The following CEP128 variants were observed in gnomAD, a reference collection of about 807,000 sequenced individuals.
CEP128 encodes centrosomal protein 128, also known as centrosomal protein 128kDa.
CEP128 carries 132 observed loss-of-function variants against 156.7 expected under a neutral mutation model. The ratio of observed to expected loss-of-function variants is 0.84; its 90% CI spans 0.73 to 0.97. The LOEUF is 0.97. Among genes scored for constraint, CEP128 ranks in the 50% least tolerant of loss-of-function variants. The pLI, the probability that CEP128 is intolerant of heterozygous loss-of-function variation, is 0.00. For missense variants in CEP128, 1,252 were observed against 1,281.9 expected, an observed-to-expected ratio of 0.98 and a Z score of 0.36; for synonymous variants, 469 against 448.9, an observed-to-expected ratio of 1.04 and a Z score of -0.57.
intron 19 of CEP128, among the ~76,000 whole-genome samples, chr14:80,695,226 T>A (rs141283090): frequency 4.9e-3 from 743 of 152,236 alleles, no homozygotes; most frequent in Middle Eastern, 0.027. Context: ...AAAAACTTTG[T>A]TCCATAAAGG....
chr14:80,627,382 T>C (rs17110881), intron 19 of CEP128, among the ~76,000 whole-genome samples: 4,444 of 152,316 alleles, frequency 0.029, 223 homozygotes, highest in African/African-American at 0.1. Context: ...GAAAGACTCT[T>C]AGACGTGATT....
At chr14:80,788,828 T>G (rs1022497662) in intron 14 of CEP128, among the ~76,000 whole-genome samples, 4 of 152,194 alleles carry the variant, frequency 2.6e-5, no homozygotes, top group Non-Finnish European at 5.9e-5. Flanking sequence ...TTTTTTCTGC[T>G]GAGGGTAAGA....
intron 8 of CEP128, among the ~76,000 whole-genome samples, chr14:80,884,500 A>G (rs1888702229): frequency 6.6e-6 from 1 of 152,174 alleles, no homozygotes; most frequent in East Asian, 1.9e-4. Context: ...GGTGCAGCCC[A>G]CAGTGGATGA....
intron 21 of CEP128, among the ~76,000 whole-genome samples, chr14:80,558,017 T>C (rs1276074814): frequency 4.6e-5 from 7 of 152,132 alleles, no homozygotes; most frequent in African/African-American, 1.4e-4. Context: ...AACCTGACTG[T>C]TTATGGTTGC....
intron 19 of CEP128, among the ~76,000 whole-genome samples, chr14:80,737,847 G>A (rs773351353): frequency 6.6e-6 from 1 of 152,106 alleles, no homozygotes; most frequent in East Asian, 1.9e-4. Flanking sequence ...CCAAGATGGC[G>A]CCACTGCACT....
rs142812707 is a variant in CEP128, at chr14:80,674,311, T to C, written c.2806+68764A>G. ...ATGAATAATGTTAATATAATAAATA[T>C]TCCTGCAAGTATTCACTACCATCAT... On this transcript the variant is annotated intron_variant, in intron 19 of 24. Coordinates refer to ENST00000555265, the MANE Select transcript of CEP128 (RefSeq NM_152446.5). Among the ~76,000 whole-genome samples, 17 of 152,222 alleles carry C rather than the reference T, an allele frequency of 1.1e-4. No individual in the cohort carries two copies. The East Asian group carries it at 3.1e-3, about 28-fold the overall frequency.
At chr14:80,495,278 T>C (rs924009777), downstream of CEP128, among the ~76,000 whole-genome samples, 10 of 152,148 alleles carry the variant, frequency 6.6e-5, no homozygotes, top group Non-Finnish European at 1.2e-4. Context: ...ATCAAGCTAT[T>C]AATGTTTCCT....
Position 80,512,069 on chromosome 14 carries a change from T to C in CEP128, c.3073-7049A>G, listed in dbSNP as rs1325448056. Among the ~76,000 whole-genome samples, 4 of 152,096 alleles carry C rather than the reference T, an allele frequency of 2.6e-5. No individual in the cohort carries two copies. The South Asian group carries it at 8.3e-4, about 31-fold the overall frequency. On this transcript the variant is annotated intron_variant, in intron 23 of 24. Transcript: ENST00000555265. Reference sequence around the variant, plus strand: ...TGCAACCACTGGATGAAATGTTCTGTACATATCTATTAGGTTCATCTGGTC... The same window carrying C: ...TGCAACCACTGGATGAAATGTTCTGCACATATCTATTAGGTTCATCTGGTC...
intron 19 of CEP128, among the ~76,000 whole-genome samples, chr14:80,656,857 C>G (rs1353703920): frequency 6.6e-6 from 1 of 152,158 alleles, no homozygotes; most frequent in Non-Finnish European, 1.5e-5. Context: ...TTATCCTGGC[C>G]TAACCCTAAT....
At chr14:80,907,929 A>G (rs1883984319) in intron 4 of CEP128, among the ~76,000 whole-genome samples, 1 of 152,206 alleles carries the variant, frequency 6.6e-6, no homozygotes, top group Non-Finnish European at 1.5e-5. Flanking sequence ...GATTTTGATC[A>G]TAAAAATTAG....
At chr14:80,505,297 C>T (rs554394179) in intron 23 of CEP128, among the ~76,000 whole-genome samples, 149 of 152,268 alleles carry the variant, frequency 9.8e-4, no homozygotes, top group African/African-American at 3.5e-3. Flanking sequence ...TTAACTTAAA[C>T]TTATGCTATA....
rs138643242 is a variant in CEP128 at position 80,583,073 on chromosome 14, T to C, written c.2807-2650A>G. Among the ~76,000 whole-genome samples, 230 of 152,264 alleles carry C rather than the reference T, an allele frequency of 1.5e-3. 4 individuals carry two copies. In the Middle Eastern group the frequency reaches 0.027, roughly 18 times the overall value. On this transcript the variant is annotated intron_variant, in intron 19 of 24. Transcript: ENST00000555265. ...CACAACTCACTCATCTGATAAAATA[T>C]AGAAGGAAAGAAGTCCAGTCTACTC... is the stretch of plus-strand genomic sequence containing the variant.
At chr14:80,599,265 C>CT (rs375136337) in intron 19 of CEP128, among the ~76,000 whole-genome samples, 1,603 of 85,446 alleles carry the variant, frequency 0.019, 44 homozygotes, top group Middle Eastern at 0.032. Flanking sequence ...CAGTCATATT[C>CT]TTTTTTTTTT....
At chr14:80,602,961 A>G (rs1337773525) in intron 19 of CEP128, among the ~76,000 whole-genome samples, 1 of 152,208 alleles carries the variant, frequency 6.6e-6, no homozygotes, top group Non-Finnish European at 1.5e-5. Context: ...AAATTAGAAC[A>G]TACTTTGAGA....
chr14:80,891,988 A>G (rs1402255198), intron 8 of CEP128, among the ~76,000 whole-genome samples: 6 of 151,962 alleles, frequency 3.9e-5, no homozygotes, highest in Non-Finnish European at 1.5e-5. Flanking sequence ...TAAATTATCC[A>G]TACTACCCAA....
intron 13 of CEP128, among the ~76,000 whole-genome samples, chr14:80,828,512 G>A (rs951264384): frequency 1.3e-5 from 2 of 152,090 alleles, no homozygotes; most frequent in Admixed American, 1.3e-4. Flanking sequence ...ATGGACAAAA[G>A]GATTATTCAG....
At chr14:80,573,679 T>G (rs1376896612) in intron 20 of CEP128, among the ~76,000 whole-genome samples, 1 of 152,182 alleles carries the variant, frequency 6.6e-6, no homozygotes, top group Non-Finnish European at 1.5e-5. Flanking sequence ...GGTCTCTTGA[T>G]GTAGTAAATT....
intron 23 of CEP128, among the ~76,000 whole-genome samples, chr14:80,523,547 C>T (rs1044856917): frequency 6.6e-6 from 1 of 152,082 alleles, no homozygotes; most frequent in Non-Finnish European, 1.5e-5. Flanking sequence ...CATTAGAAAT[C>T]CAATAAATGT....
intron 20 of CEP128, among the ~76,000 whole-genome samples, chr14:80,568,808 A>C (rs1171695715): frequency 6.6e-6 from 1 of 152,204 alleles, no homozygotes; most frequent in Non-Finnish European, 1.5e-5. Context: ...ACGAGGGGAA[A>C]AAAAAACCAA....
Sources: allele counts gnomAD v4.1 joint callset (sites outside exome capture counted in the v4.1 genomes callset), GRCh38; gene constraint gnomAD v4.1.1; transcripts MANE v1.5; gene names NCBI Gene and HGNC (gene_info 2026-07-23, HGNC 2026-07-21).